Variants in YY1 observed in about 807,000 individuals in gnomAD.
YY1 encodes the protein transcriptional repressor protein YY1.
A neutral mutation model predicts 35.6 loss-of-function variants in YY1; 2 were observed. The ratio of observed to expected loss-of-function variants is 0.06; its 90% CI spans 0.02 to 0.18. The LOEUF is 0.18. YY1 is among the 10% of genes least tolerant of loss of function. The pLI is 1.00. For synonymous variants in YY1, 268 were observed against 238.9 expected (o/e 1.12, Z -1.12); for missense variants, 322 against 573.4 (o/e 0.56, Z 4.48).
intron 3 of YY1, chr14:100,275,920 C>T (rs1365462515): frequency 6.3e-6 from 1 of 159,702 alleles, no homozygotes; most frequent in East Asian, 1.8e-4. Flanking sequence ...CCTAGTGTCT[C>T]ACAAAATAAA....
In YY1 at chr14:100,280,394, TAAC is replaced by T. The variant is rs961034756; in HGVS notation, c.*2797_*2799del. The T allele has an allele frequency of 2.0e-5, 3 of 152,216 alleles. No individual in the cohort carries two copies. Among genetic ancestry groups the T allele is most frequent in the Non-Finnish European group, 4.4e-5 (3 of 68,030 alleles). The allele number at this position is 152,216 out of a possible 1,614,324, so 9.4% of individuals were successfully genotyped here. A position where few individuals can be genotyped will look rare whatever the true frequency, so the allele number is the denominator to read the frequency against. ...AAACTCCAGAGGATAAGTTTACACT[TAAC>T]AAGATGTTGTTTTCTATTTTTGAAT... On this transcript the variant is annotated 3_prime_UTR_variant, in exon 5 of 5. Transcript: ENST00000262238.
At position 100,277,966 on chromosome 14, in the gene YY1, AC is replaced by A; in HGVS notation, c.*367del. ...TAAATATGAAGCTCACCTGTTGCTT[AC>A]AATTTTTTTAATTTTGTATTTTCCA... On this transcript the variant is annotated 3_prime_UTR_variant, in exon 5 of 5. Transcript: ENST00000262238. This position sits in a 1 kb window ranked among gnomAD's most constrained non-coding sequence, Gnocchi z 5.6. 1 of 230,954 alleles carries A rather than the reference AC, an allele frequency of 4.3e-6. No individual in the cohort carries two copies. Among genetic ancestry groups the A allele is most frequent in the South Asian group, 6.0e-5 (1 of 16,538 alleles). The allele number at this position is 230,954 out of a possible 1,614,324, so 14.3% of individuals were successfully genotyped here. A position where few individuals can be genotyped will look rare whatever the true frequency, so the allele number is the denominator to read the frequency against.
chr14:100,245,085 C>T (rs1006495077), intron 1 of YY1, among the ~76,000 whole-genome samples: 7 of 152,094 alleles, frequency 4.6e-5, no homozygotes, highest in South Asian at 2.1e-4. Context: ...TACAGGCGCC[C>T]GCTGCCACAC....
intron 2 of YY1, among the ~76,000 whole-genome samples, chr14:100,266,993 G>C (rs1204291068): frequency 6.6e-6 from 1 of 152,188 alleles, no homozygotes; most frequent in Non-Finnish European, 1.5e-5. Flanking sequence ...TGTGTAGCAG[G>C]CTGGAAAATG....
intron 1 of YY1, among the ~76,000 whole-genome samples, chr14:100,252,074 G>T (rs1890932858): frequency 6.6e-6 from 1 of 152,162 alleles, no homozygotes; most frequent in Non-Finnish European, 1.5e-5. Flanking sequence ...GAAGGCAAGA[G>T]GGTAAATTGT....
chr14:100,264,530 A>G (rs1318151950), intron 2 of YY1, among the ~76,000 whole-genome samples: 2 of 152,142 alleles, frequency 1.3e-5, no homozygotes, highest in African/African-American at 4.8e-5. Context: ...CTTCCAGGGA[A>G]ATGACTGGAG....
chr14:100,245,168 C>G (rs183712548), intron 1 of YY1, among the ~76,000 whole-genome samples: 1 of 151,728 alleles, frequency 6.6e-6, no homozygotes, highest in African/African-American at 2.4e-5. Context: ...GATCTCCTGA[C>G]CTCGTGATCC....
At chr14:100,240,681 G>T (rs553551262) in intron 1 of YY1, among the ~76,000 whole-genome samples, 213 of 152,372 alleles carry the variant, frequency 1.4e-3, no homozygotes, top group Non-Finnish European at 2.5e-3. Context: ...GTCAGTCGGA[G>T]CCTGTCACCG....
Position 100,239,214 on chromosome 14 carries a change from CGCCGCG to C in YY1, c.-26_-21del, listed in dbSNP as rs1319571160. On this transcript the variant is annotated 5_prime_UTR_variant, in exon 1 of 5. Transcript: ENST00000262238. ...CCGCCCGCAGCCGAGGAGCCGAGGCCGCCGCGGCCGTGGCGGCGGAGCCCTCAGCCA... is the reference window on the plus strand; with the variant it reads ...CCGCCCGCAGCCGAGGAGCCGAGGCCGCCGTGGCGGCGGAGCCCTCAGCCA... 4.8e-6 allele frequency: 7 copies of C among 1,459,286 alleles called. No homozygotes were observed. The highest frequency in any genetic ancestry group is 5.4e-5 in the Admixed American group (2 of 37,034). The allele number at this position is 1,459,286 out of a possible 1,614,324, so 90.4% of individuals were successfully genotyped here. A position where few individuals can be genotyped will look rare whatever the true frequency, so the allele number is the denominator to read the frequency against.
intron 1 of YY1, among the ~76,000 whole-genome samples, chr14:100,241,532 G>A (rs941206096): frequency 2.0e-5 from 3 of 152,166 alleles, no homozygotes; most frequent in Non-Finnish European, 4.4e-5. Context: ...TGCATCCAGG[G>A]TGCCTTGTAG....
At chr14:100,259,934 A>G (rs1004150962) in intron 1 of YY1, among the ~76,000 whole-genome samples, 4 of 152,238 alleles carry the variant, frequency 2.6e-5, no homozygotes, top group Admixed American at 1.3e-4. Context: ...TATATCAGCT[A>G]TATTTTCTGT....
intron 1 of YY1, among the ~76,000 whole-genome samples, chr14:100,243,353 A>G (rs1890779105): frequency 6.6e-6 from 1 of 152,196 alleles, no homozygotes; most frequent in African/African-American, 2.4e-5. Flanking sequence ...TTTCACTAAA[A>G]TAGCCCCTTA....
In YY1 at chr14:100,282,764, T is replaced by C. The variant is rs1453937172; in HGVS notation, c.*5164T>C. ...ATGTGTAATATGGCTCTATACAATA[T>C]AATAAATGCATAATGTTAAGCTTTT... On this transcript the variant is annotated 3_prime_UTR_variant, in exon 5 of 5. Transcript: ENST00000262238. 6.6e-6 allele frequency: 1 copy of C among 152,354 alleles called. No homozygotes were observed. The highest frequency in any genetic ancestry group is 1.9e-4 in the East Asian group (1 of 5,192). The allele number at this position is 152,354 out of a possible 1,614,324, so 9.4% of individuals were successfully genotyped here.
intron 3 of YY1, 83 bp downstream of exon 3, chr14:100,274,841 G>C: frequency 7.8e-7 from 1 of 1,282,068 alleles, no homozygotes; most frequent in South Asian, 1.2e-5. Context: ...TTTTGTTTCT[G>C]CTTGTGATAA....
At position 100,277,244 on chromosome 14, in the gene YY1, G is replaced by A; in HGVS notation, c.1063-174G>A. On this transcript the variant is annotated intron_variant, in intron 4 of 4. Transcript: ENST00000262238. The surrounding 1 kb of genome is among the most constrained non-coding windows in gnomAD (Gnocchi z 5.6). ...GTGAGGGCTCTCCTTGGGTTTTCGG[G>A]GTTGTCCAACCTGCCTGCTGATTCT... 1 of 797,440 alleles carries A rather than the reference G, an allele frequency of 1.3e-6. No homozygotes were observed. Among genetic ancestry groups the A allele is most frequent in the East Asian group, 2.7e-5 (1 of 37,484 alleles). 49.4% of individuals were successfully genotyped at this position (797,440 alleles called of 1,614,324 possible).
intron 1 of YY1, among the ~76,000 whole-genome samples, chr14:100,259,170 T>C (rs1891045284): frequency 6.6e-6 from 1 of 152,188 alleles, no homozygotes; most frequent in Non-Finnish European, 1.5e-5. Flanking sequence ...GGAGTACCTA[T>C]TTCTAATTTA....
chr14:100,267,523 C>T (rs923572822), intron 2 of YY1, among the ~76,000 whole-genome samples: 1 of 123,308 alleles, frequency 8.1e-6, no homozygotes, highest in Non-Finnish European at 1.6e-5. Flanking sequence ...CCACATTCTA[C>T]ATAGTAGCTT....
In YY1 at chr14:100,239,766, G is replaced by A. The variant is rs749581833; in HGVS notation, c.522G>A (p.Lys174=). 1.3e-6 allele frequency: 2 copies of A among 1,577,928 alleles called. No homozygotes were observed. Among genetic ancestry groups the A allele is most frequent in the Non-Finnish European group, 8.6e-7 (1 of 1,165,570 alleles). ...SSSSGGGRVK[K]GGGKKSGKKS... ...CGTCGGGAGGCGGCCGCGTCAAGAA[G>A]GGCGGCGGCAAGAAGAGCGGCAAGA... Residue 174 remains lysine, a synonymous_variant, in exon 1 of 5, where the codon AAG becomes AAA. Coordinates refer to ENST00000262238, the MANE Select transcript of YY1 (RefSeq NM_003403.5).
intron 2 of YY1, among the ~76,000 whole-genome samples, chr14:100,272,133 A>G (rs1470972865): frequency 1.3e-5 from 2 of 152,026 alleles, no homozygotes; most frequent in Non-Finnish European, 2.9e-5. Context: ...CATCTCTACA[A>G]AAATACAAAA....
Sources: gnomAD v4.1 joint callset for allele counts (sites outside exome capture counted in the v4.1 genomes callset) on GRCh38, gnomAD v4.1.1 for gene constraint, Gnocchi (gnomAD v3.1) non-coding constraint, MANE v1.5 for transcripts, NCBI Gene and HGNC (gene_info 2026-07-23, HGNC 2026-07-21) for gene names.